HMCN1: variants seen among roughly 807,000 people sequenced by gnomAD.
The protein encoded by HMCN1 is hemicentin 1.
A neutral mutation model predicts 625.9 loss-of-function variants in HMCN1; 321 were observed. The observed-to-expected ratio is 0.51, with a 90% CI of 0.47 to 0.56. The LOEUF (loss-of-function observed/expected upper bound fraction) is 0.56, where lower values mean the gene tolerates loss of function less well. Among genes scored for constraint, HMCN1 ranks in the 20% least tolerant of loss-of-function variants. The pLI is 0.00. For synonymous variants in HMCN1, 2,425 were observed against 2,417.6 expected, an observed-to-expected ratio of 1.00 and a Z score of -0.09; for missense variants, 6,588 against 6,887.3, an observed-to-expected ratio of 0.96 and a Z score of 1.54.
intron 2 of HMCN1, among the ~76,000 whole-genome samples, chr1:185,849,713 GTC>G (rs1003879984): frequency 3.9e-5 from 6 of 152,088 alleles, no homozygotes; most frequent in African/African-American, 1.4e-4. Flanking sequence ...TTTTGTCCAT[GTC>G]TCCATTTGTA....
At chr1:186,007,099 C>A in intron 29 of HMCN1, 29 bp from the exon 30 acceptor site, 3 of 1,562,468 alleles carry the variant, frequency 1.9e-6, no homozygotes, top group Non-Finnish European at 1.8e-6. Context: ...TGAAAATAGA[C>A]CCATGGAATA....
At chr1:185,879,916 C>T (rs1307584211) in intron 4 of HMCN1, among the ~76,000 whole-genome samples, 1 of 152,002 alleles carries the variant, frequency 6.6e-6, no homozygotes, top group African/African-American at 2.4e-5. Flanking sequence ...AGAAAGTGAG[C>T]CAGGTAACAA....
At chr1:185,845,440 C>A (rs1238852931) in intron 1 of HMCN1, among the ~76,000 whole-genome samples, 1 of 152,058 alleles carries the variant, frequency 6.6e-6, no homozygotes, top group Admixed American at 6.6e-5. Flanking sequence ...AGGCTGGTCT[C>A]GAACTCCTGA....
At chr1:185,913,783 C>T (rs1666554224) in intron 6 of HMCN1, among the ~76,000 whole-genome samples, 1 of 152,110 alleles carries the variant, frequency 6.6e-6, no homozygotes. Flanking sequence ...TTCAGTCATG[C>T]ATTCAATAAA....
At chr1:185,818,657 G>A (rs1659988786) in intron 1 of HMCN1, among the ~76,000 whole-genome samples, 1 of 152,088 alleles carries the variant, frequency 6.6e-6, no homozygotes, top group Non-Finnish European at 1.5e-5. Context: ...ATTGACTGAT[G>A]TAATGCTTGC....
Position 186,020,267 on chromosome 1 carries a change from A to ATAGATAGG in HMCN1, c.5625+573_5625+574insAGATAGGT, listed in dbSNP as rs1348471610. 6.9e-3 allele frequency among the ~76,000 whole-genome samples: 1,044 copies of ATAGATAGG among 152,020 alleles called. 15 individuals are homozygous for ATAGATAGG. Among genetic ancestry groups the ATAGATAGG allele is most frequent in the African/African-American group, 0.024 (1,008 of 41,496 alleles). ...GATAGATAGATAGATAGATAGATAG[A>ATAGATAGG]TGATAGATTTCAAATCTGGATAATC... is the stretch of plus-strand genomic sequence containing the variant. On this transcript the variant is annotated intron_variant, in intron 35 of 106. Coordinates refer to ENST00000271588, the MANE Select transcript of HMCN1 (RefSeq NM_031935.3).
At chr1:186,030,599 C>A (rs1558158378) in intron 36 of HMCN1, among the ~76,000 whole-genome samples, 1 of 151,898 alleles carries the variant, frequency 6.6e-6, no homozygotes, top group Admixed American at 6.6e-5. Flanking sequence ...CTATTATAGG[C>A]AACATACAGT....
At chr1:186,110,871 G>A (rs1660840533) in intron 71 of HMCN1, among the ~76,000 whole-genome samples, 1 of 151,676 alleles carries the variant, frequency 6.6e-6, no homozygotes. Flanking sequence ...AATTTTCTCA[G>A]TGGAACAGGA....
At position 186,188,009 on chromosome 1, in the gene HMCN1, G is replaced by C; in HGVS notation, c.16541G>C (p.Gly5514Ala). 1 of 1,613,696 alleles carries C rather than the reference G, an allele frequency of 6.2e-7. No homozygotes were observed. The highest frequency in any genetic ancestry group is 1.7e-5 in the Admixed American group (1 of 59,984). The change falls in exon 106 of 107, where the codon GGG becomes GCG. Residue 5514 changes from glycine (G) to alanine (A), a missense_variant and splice_region_variant. Physicochemically the swap from Gly to Ala is moderately conservative, Grantham distance 60 (BLOSUM62 0). This residue lies in a region of HMCN1 where 1,954 missense variants were observed against 2,013.1 expected (regional missense o/e 0.97). Transcript: ENST00000271588. Reference sequence around the variant, plus strand: ...AACTACCAACGGGATCCTGTTTCAGGGTATGTCTTGCCTTCTCATCCCAGA... The same window carrying C: ...AACTACCAACGGGATCCTGTTTCAGCGTATGTCTTGCCTTCTCATCCCAGA... The part of the protein sequence containing the change: ...PPNYQRDPVS[G>A]FCLKNCPPND...
intron 4 of HMCN1, among the ~76,000 whole-genome samples, chr1:185,887,641 C>A (rs2102403827): frequency 6.7e-6 from 1 of 148,318 alleles, no homozygotes. Context: ...ATGAACTCAT[C>A]ATTTTTTATG....
intron 70 of HMCN1, among the ~76,000 whole-genome samples, chr1:186,108,177 C>A (rs2102456412): frequency 6.6e-6 from 1 of 151,666 alleles, no homozygotes; most frequent in South Asian, 2.1e-4. Flanking sequence ...CGGCTCCCTT[C>A]TTTGTGCCTC....
intron 48 of HMCN1, among the ~76,000 whole-genome samples, chr1:186,063,466 GAA>G (rs1657898068): frequency 2.5e-5 from 2 of 80,352 alleles, no homozygotes; most frequent in Admixed American, 1.5e-4. Context: ...AGGAAGGAAG[GAA>G]GGAAGGAAGG....
chr1:186,040,142 C>T (rs1656111583), intron 39 of HMCN1, among the ~76,000 whole-genome samples: 1 of 152,014 alleles, frequency 6.6e-6, no homozygotes, highest in Admixed American at 6.6e-5. Context: ...TTGTTGTTTT[C>T]TACCTGCCCC....
chr1:186,053,151 A>G, intron 43 of HMCN1, 77 bp downstream of exon 43: 1 of 1,390,356 alleles, frequency 7.2e-7, no homozygotes, highest in South Asian at 1.2e-5. Context: ...TAAATGTGTT[A>G]GATTATAAAC....
At chr1:185,746,310 A>G (rs1166252547) in intron 1 of HMCN1, among the ~76,000 whole-genome samples, 1 of 152,226 alleles carries the variant, frequency 6.6e-6, no homozygotes, top group Non-Finnish European at 1.5e-5. Flanking sequence ...CAGTTTCAGT[A>G]TGCCCAAGAA....
intron 6 of HMCN1, among the ~76,000 whole-genome samples, chr1:185,918,970 C>T (rs1375928288): frequency 1.3e-5 from 2 of 151,478 alleles, no homozygotes; most frequent in African/African-American, 4.9e-5. Context: ...CTTTTTGTAG[C>T]CATATTCTAA....
At chr1:185,838,851 G>A (rs1661321789) in intron 1 of HMCN1, among the ~76,000 whole-genome samples, 1 of 152,146 alleles carries the variant, frequency 6.6e-6, no homozygotes, top group Non-Finnish European at 1.5e-5. Flanking sequence ...TTTGAACTCT[G>A]CTAAGTATGT....
intron 67 of HMCN1, among the ~76,000 whole-genome samples, 197 bp from the exon 68 acceptor site, chr1:186,095,046 G>A (rs1660056569): frequency 6.6e-6 from 1 of 152,032 alleles, no homozygotes; most frequent in Admixed American, 6.6e-5. Flanking sequence ...AAGTTTCATT[G>A]CTAATCTTTG....
At chr1:186,116,364 G>A (rs985369909) in intron 75 of HMCN1, among the ~76,000 whole-genome samples, 5 of 151,760 alleles carry the variant, frequency 3.3e-5, no homozygotes, top group African/African-American at 1.2e-4. Flanking sequence ...AATGTGAAGT[G>A]TTCTAGATTT....
Sources: allele counts gnomAD v4.1 joint callset (sites outside exome capture counted in the v4.1 genomes callset), GRCh38; gene constraint gnomAD v4.1.1; regional missense constraint gnomAD v4.1.1; transcripts MANE v1.5; gene names NCBI Gene and HGNC (gene_info 2026-07-23, HGNC 2026-07-21).